Variants in SNX29 observed in about 807,000 individuals in gnomAD.
The protein encoded by SNX29 is sorting nexin 29.
Under a neutral mutation model 102.1 loss-of-function variants are expected in SNX29, and 78 were observed. That is an observed-to-expected ratio of 0.76 (90% CI 0.64 to 0.92). The LOEUF is 0.92. Ranked by LOEUF, SNX29 falls within the 40% of genes least tolerant of loss-of-function variation. SNX29 has a pLI of 0.00. For synonymous variants in SNX29, 580 were observed against 414.5 expected (o/e 1.40, Z -4.85); for missense variants, 1,280 against 1,061.7 (o/e 1.21, Z -2.86).
intron 13 of SNX29, among the ~76,000 whole-genome samples, chr16:12,136,281 T>A (rs1161785208): frequency 6.6e-6 from 1 of 152,212 alleles, no homozygotes; most frequent in African/African-American, 2.4e-5. Context: ...TGCAGTGGCA[T>A]AAAGCACCCT....
Position 12,570,252 on chromosome 16 carries a change from G to C in SNX29, c.*1623G>C, listed in dbSNP as rs1477979908. 1.9e-5 allele frequency: 20 copies of C among 1,065,262 alleles called. No individual in the cohort carries two copies. Among genetic ancestry groups the C allele is most frequent in the Non-Finnish European group, 2.0e-5 (18 of 879,264 alleles). The allele number at this position is 1,065,262 out of a possible 1,614,324, so 66.0% of individuals were successfully genotyped here. A position where few individuals can be genotyped will look rare whatever the true frequency, so the allele number is the denominator to read the frequency against. ...TGCCCCGGTGAGACCAAATGAGCTGGAGCATGTATGGAGGTGCGGACCCTG... is the reference window on the plus strand; with the variant it reads ...TGCCCCGGTGAGACCAAATGAGCTGCAGCATGTATGGAGGTGCGGACCCTG... On this transcript the variant is annotated 3_prime_UTR_variant, in exon 21 of 21. Coordinates refer to ENST00000566228, the MANE Select transcript of SNX29 (RefSeq NM_032167.5).
At chr16:12,359,602 G>A (rs779807857) in intron 16 of SNX29, among the ~76,000 whole-genome samples, 10 of 152,128 alleles carry the variant, frequency 6.6e-5, no homozygotes, top group Non-Finnish European at 1.5e-4. Context: ...TAAAACATAC[G>A]TAAAAGCAGA....
rs116929320 is a variant in SNX29 at position 12,499,123 on chromosome 16, C to T, written c.2178+21264C>T. ...ATTCCCTCCTCCTGCAGTGGGAAATCGCAGTAGAAGGCACAAGTTAGGGTT... is the reference window on the plus strand; with the variant it reads ...ATTCCCTCCTCCTGCAGTGGGAAATTGCAGTAGAAGGCACAAGTTAGGGTT... On this transcript the variant is annotated intron_variant, in intron 19 of 20. Coordinates refer to ENST00000566228, the MANE Select transcript of SNX29 (RefSeq NM_032167.5). Among the ~76,000 whole-genome samples, 24 of 152,240 alleles carry T rather than the reference C, an allele frequency of 1.6e-4. No homozygotes were observed. In the East Asian group the frequency reaches 3.3e-3, roughly 21 times the overall value.
chr16:12,515,250 C>T (rs1021003219), intron 19 of SNX29, among the ~76,000 whole-genome samples: 5 of 152,178 alleles, frequency 3.3e-5, no homozygotes, highest in African/African-American at 1.2e-4. Flanking sequence ...GTAATGATCG[C>T]TTTGCATGTC....
At chr16:12,279,832 G>A (rs1041250621) in intron 15 of SNX29, among the ~76,000 whole-genome samples, 6 of 152,212 alleles carry the variant, frequency 3.9e-5, no homozygotes, top group African/African-American at 1.2e-4. Context: ...AGCTAGAGAA[G>A]GTGAAAGGGT....
At chr16:12,563,680 T>C (rs2078859313) in intron 20 of SNX29, among the ~76,000 whole-genome samples, 1 of 152,126 alleles carries the variant, frequency 6.6e-6, no homozygotes, top group Non-Finnish European at 1.5e-5. Context: ...GAGCCCATGA[T>C]GGGGTCTGGC....
chr16:12,464,079 T>A (rs995307881), intron 18 of SNX29, among the ~76,000 whole-genome samples: 1 of 152,004 alleles, frequency 6.6e-6, no homozygotes, highest in East Asian at 1.9e-4. Context: ...TCCATAGAAC[T>A]TCACTCACGT....
At chr16:12,009,299 C>T (rs1038894246) in intron 3 of SNX29, among the ~76,000 whole-genome samples, 1 of 151,968 alleles carries the variant, frequency 6.6e-6, no homozygotes, top group Non-Finnish European at 1.5e-5. Flanking sequence ...CAGACCATTG[C>T]TGGATTTGGG....
chr16:12,457,102 A>G (rs1167892740), intron 18 of SNX29, among the ~76,000 whole-genome samples: 3 of 152,194 alleles, frequency 2.0e-5, no homozygotes, highest in Non-Finnish European at 4.4e-5. Flanking sequence ...AAGTAGCAAT[A>G]CATTCAGGGC....
intron 19 of SNX29, among the ~76,000 whole-genome samples, chr16:12,514,111 C>G (rs1035627806): frequency 3.9e-5 from 6 of 152,226 alleles, no homozygotes; most frequent in African/African-American, 7.2e-5. Flanking sequence ...AGTTCCACAC[C>G]TCCCAGCTGG....
chr16:12,174,928 A>G (rs1338827167), intron 13 of SNX29, among the ~76,000 whole-genome samples: 4 of 144,724 alleles, frequency 2.8e-5, no homozygotes, highest in Non-Finnish European at 4.6e-5. Flanking sequence ...TATTATTACT[A>G]TTAAAAAAAA....
At chr16:12,065,251 G>A (rs1431192455) in intron 9 of SNX29, among the ~76,000 whole-genome samples, 3 of 152,326 alleles carry the variant, frequency 2.0e-5, no homozygotes, top group African/African-American at 7.2e-5. Flanking sequence ...GGGACCATGC[G>A]TGGTTCCTCT....
chr16:12,092,588 G>C (rs1770005267), intron 11 of SNX29, among the ~76,000 whole-genome samples: 4 of 152,202 alleles, frequency 2.6e-5, no homozygotes, highest in African/African-American at 9.6e-5. Flanking sequence ...ACTTGGTTTT[G>C]ATCCTGGCTC....
At chr16:12,078,751 C>T (rs896736554) in intron 10 of SNX29, 82 bp from the exon 11 acceptor site, 40 of 1,213,026 alleles carry the variant, frequency 3.3e-5, no homozygotes, top group African/African-American at 1.4e-4. Context: ...CGGAGTAAAC[C>T]GACCTCTGCT....
At chr16:12,369,549 T>A (rs2082607862) in intron 16 of SNX29, among the ~76,000 whole-genome samples, 1 of 152,222 alleles carries the variant, frequency 6.6e-6, no homozygotes, top group African/African-American at 2.4e-5. Flanking sequence ...CTCCTGTACA[T>A]GGTCAGGTGA....
intron 18 of SNX29, among the ~76,000 whole-genome samples, chr16:12,412,370 A>G (rs900646455): frequency 3.9e-5 from 6 of 152,170 alleles, no homozygotes; most frequent in South Asian, 2.1e-4. Flanking sequence ...TGCTTCACAA[A>G]TTTGTCTCAG....
chr16:12,309,430 A>G (rs907109263), intron 15 of SNX29, among the ~76,000 whole-genome samples: 1 of 151,934 alleles, frequency 6.6e-6, no homozygotes, highest in African/African-American at 2.4e-5. Flanking sequence ...TGATCCCCCC[A>G]CAAGTAACCT....
At chr16:12,370,334 C>T (rs1306494571) in intron 16 of SNX29, among the ~76,000 whole-genome samples, 17 of 151,662 alleles carry the variant, frequency 1.1e-4, no homozygotes, top group East Asian at 3.9e-4. Context: ...CCAAGGCGAG[C>T]GGATCACCTG....
chr16:12,239,070 T>C (rs2142270508), intron 14 of SNX29, among the ~76,000 whole-genome samples: 1 of 152,338 alleles, frequency 6.6e-6, no homozygotes, highest in Admixed American at 6.5e-5. Flanking sequence ...GGCCAGAACT[T>C]AGTCGGTGGC....
Sources: gnomAD v4.1 joint callset for allele counts (sites outside exome capture counted in the v4.1 genomes callset) on GRCh38, gnomAD v4.1.1 for gene constraint, MANE v1.5 for transcripts, NCBI Gene and HGNC (gene_info 2026-07-23, HGNC 2026-07-21) for gene names.